TPD52L2: variants seen among roughly 807,000 people sequenced by gnomAD.
TPD52L2 encodes TPD52 like 2, also known as tumor protein D54.
Under a neutral mutation model 24.7 loss-of-function variants are expected in TPD52L2, and 19 were observed. That is an observed-to-expected ratio of 0.77 (90% confidence interval 0.54 to 1.13). TPD52L2 has a LOEUF of 1.13. TPD52L2 is among the 50% of genes most tolerant of loss of function. TPD52L2 has a pLI of 0.00. For missense variants in TPD52L2, 236 were observed against 250.4 expected (o/e 0.94, Z 0.39); for synonymous variants, 104 against 100.2 (o/e 1.04, Z -0.23).
Position 63,877,420 on chromosome 20 carries a change from A to G in TPD52L2, c.374+1545A>G, listed in dbSNP as rs1055886404. Among the ~76,000 whole-genome samples the G allele has an allele frequency of 1.3e-5, 2 of 152,100 alleles. No homozygotes were observed. The highest frequency in any genetic ancestry group is 2.9e-5 in the Non-Finnish European group (2 of 68,010). ...GTGATCCGCCCATCTCGGCCTCCCA[A>G]AGTGCTGGGATGACAGGCGTGACCC... On this transcript the variant is annotated intron_variant, in intron 4 of 6. Coordinates refer to ENST00000346249, the MANE Select transcript of TPD52L2 (RefSeq NM_003288.4). This position sits in a 1 kb window ranked among gnomAD's most constrained non-coding sequence, Gnocchi z 4.1.
chr20:63,875,979 A>G, intron 4 of TPD52L2, 104 bp downstream of exon 4: 1 of 1,164,928 alleles, frequency 8.6e-7, no homozygotes, highest in East Asian at 2.5e-5. Context: ...TTGTTTTGGT[A>G]TTTGCTGGCT....
At chr20:63,882,883 G>A (rs759769057) in intron 5 of TPD52L2, 63 bp downstream of exon 5, 99 of 1,338,464 alleles carry the variant, frequency 7.4e-5, no homozygotes, top group Non-Finnish European at 9.7e-5. Flanking sequence ...AGGTGTTGGA[G>A]GTGCTACAGG....
chr20:63,880,665 C>A (rs373160568), intron 4 of TPD52L2, among the ~76,000 whole-genome samples: 1 of 151,216 alleles, frequency 6.6e-6, no homozygotes, highest in Non-Finnish European at 1.5e-5. Context: ...CTGAGGCAGG[C>A]GGATCACGAG....
At chr20:63,878,825 G>C (rs1462043078) in intron 4 of TPD52L2, among the ~76,000 whole-genome samples, 1 of 152,244 alleles carries the variant, frequency 6.6e-6, no homozygotes, top group African/African-American at 2.4e-5. Flanking sequence ...GCTGGCTGGG[G>C]TTGCCCGGCC....
chr20:63,889,141 G>A lies in TPD52L2; in HGVS notation c.477-49G>A, dbSNP rs752843763. 1.9e-6 allele frequency: 3 copies of A among 1,555,950 alleles called. No homozygotes were observed. In the East Asian group the frequency reaches 6.7e-5, roughly 35 times the overall value. Reference sequence around the variant, plus strand: ...GAGGCCCTTCCGAGTTAGGAGAGCAGCACAACCCTCTCCTCTTGACACCGA... The same window carrying A: ...GAGGCCCTTCCGAGTTAGGAGAGCAACACAACCCTCTCCTCTTGACACCGA... On this transcript the variant is annotated intron_variant, in intron 5 of 6. Coordinates refer to ENST00000346249, the MANE Select transcript of TPD52L2 (RefSeq NM_003288.4).
chr20:63,888,981 T>G (rs1263157076), intron 5 of TPD52L2: 2 of 610,968 alleles, frequency 3.3e-6, no homozygotes, highest in South Asian at 3.8e-5. Context: ...CGTCTGGACC[T>G]GTCCCTGTGG....
chr20:63,887,325 G>T, intron 5 of TPD52L2: 1 of 627,812 alleles, frequency 1.6e-6, no homozygotes, highest in Non-Finnish European at 2.8e-6. Context: ...TCCTATGGCA[G>T]TGCTCTCCCC....
intron 5 of TPD52L2, chr20:63,887,092 C>T (rs2053158990): frequency 8.3e-6 from 2 of 242,376 alleles, no homozygotes; most frequent in Admixed American, 1.0e-4. Context: ...AAGGGCCCTC[C>T]TGCAGACCAG....
rs1347499578 is a variant in TPD52L2, at chr20:63,890,898, G to C, written c.*953G>C. ...CAAGAGAAGGAAAACCCTGTCTTTA[G>C]CACCCTTTAAAAGAACTGTGCCCCC... On this transcript the variant is annotated 3_prime_UTR_variant, in exon 7 of 7. Coordinates refer to ENST00000346249, the MANE Select transcript of TPD52L2 (RefSeq NM_003288.4). The C allele has an allele frequency of 1.3e-5, 2 of 152,434 alleles. No homozygotes were observed. The highest frequency in any genetic ancestry group is 3.7e-4 in the East Asian group (2 of 5,342). The allele number at this position is 152,434 out of a possible 1,614,324, so 9.4% of individuals were successfully genotyped here. A position where few individuals can be genotyped will look rare whatever the true frequency, so the allele number is the denominator to read the frequency against.
rs1039337219 is a variant in TPD52L2 at position 63,882,956 on chromosome 20, C to T, written c.476+136C>T. 1.1e-5 allele frequency: 7 copies of T among 665,096 alleles called. No homozygotes were observed. The African/African-American group carries it at 1.3e-4, about 12-fold the overall frequency. The allele number at this position is 665,096 out of a possible 1,614,324, so 41.2% of individuals were successfully genotyped here. On this transcript the variant is annotated intron_variant, in intron 5 of 6. Transcript: ENST00000346249. ...CAGGGATGTGGCCATCCATCATGGC[C>T]CCGACCAGTCTGTGTGCAGACCCTT...
chr20:63,883,517 T>C (rs1360603066), intron 5 of TPD52L2, among the ~76,000 whole-genome samples: 2 of 152,188 alleles, frequency 1.3e-5, no homozygotes, highest in Non-Finnish European at 2.9e-5. Flanking sequence ...AGGCACGCCT[T>C]CTTTCACAGG....
chr20:63,867,884 C>CGCCTCAGCCTCCCAAAGTG (rs1327736607), intron 1 of TPD52L2, among the ~76,000 whole-genome samples: 2 of 148,454 alleles, frequency 1.3e-5, no homozygotes, highest in Admixed American at 6.7e-5. Context: ...GTGATCCGCC[C>CGCCTCAGCCTCCCAAAGTG]GCCTCAGCCT....
chr20:63,875,778 T>C, intron 3 of TPD52L2, 38 bp from the exon 4 acceptor site: 1 of 1,606,912 alleles, frequency 6.2e-7, no homozygotes. Context: ...GTTAAAATTG[T>C]TCTTCTAAAT....
intron 5 of TPD52L2, among the ~76,000 whole-genome samples, chr20:63,883,636 G>T (rs1051573887): frequency 1.3e-5 from 2 of 152,038 alleles, no homozygotes; most frequent in Non-Finnish European, 2.9e-5. Flanking sequence ...CTCAGAACTG[G>T]TCTTCTGGCT....
At chr20:63,883,844 C>G (rs1005826785) in intron 5 of TPD52L2, among the ~76,000 whole-genome samples, 6 of 149,388 alleles carry the variant, frequency 4.0e-5, no homozygotes, top group Admixed American at 3.3e-4. Context: ...CTGCCTGCCT[C>G]CCTGCCTGCC....
At position 63,890,234 on chromosome 20, in the gene TPD52L2, C is replaced by A; in HGVS notation, c.*289C>A. 1.7e-6 allele frequency: 1 copy of A among 576,238 alleles called. No homozygotes were observed. The highest frequency in any genetic ancestry group is 2.9e-6 in the Non-Finnish European group (1 of 343,620). 35.7% of individuals were successfully genotyped at this position (576,238 alleles called of 1,614,324 possible). On this transcript the variant is annotated 3_prime_UTR_variant, in exon 7 of 7. Transcript: ENST00000346249. ...GCGGAGGGTTTGAAAGAATATTGAGCCAAAGCCCAGGCTCCCTTTGGGAAT... is the reference window on the plus strand; with the variant it reads ...GCGGAGGGTTTGAAAGAATATTGAGACAAAGCCCAGGCTCCCTTTGGGAAT...
chr20:63,886,402 C>T (rs909980799), intron 5 of TPD52L2, among the ~76,000 whole-genome samples: 1 of 151,940 alleles, frequency 6.6e-6, no homozygotes, highest in Admixed American at 6.5e-5. Flanking sequence ...GCTCTGTCGC[C>T]CAGGTTGGAG....
At chr20:63,868,814 C>T (rs575221187) in intron 1 of TPD52L2, among the ~76,000 whole-genome samples, 4 of 152,262 alleles carry the variant, frequency 2.6e-5, no homozygotes, top group South Asian at 2.1e-4. Flanking sequence ...TGGTGGCGTG[C>T]GCCTGTAATC....
chr20:63,887,222 G>A, intron 5 of TPD52L2: 2 of 420,084 alleles, frequency 4.8e-6, no homozygotes, highest in South Asian at 4.5e-5. Flanking sequence ...TTGACTTGGT[G>A]GTTTCTCTTT....
Sources: allele counts gnomAD v4.1 joint callset (sites outside exome capture counted in the v4.1 genomes callset), GRCh38; gene constraint gnomAD v4.1.1; non-coding constraint Gnocchi (gnomAD v3.1); transcripts MANE v1.5; gene names NCBI Gene and HGNC (gene_info 2026-07-23, HGNC 2026-07-21).